TMEM178B: variants seen among roughly 807,000 people sequenced by gnomAD.
TMEM178B encodes transmembrane protein 178B.
A neutral mutation model predicts 31.0 loss-of-function variants in TMEM178B; 5 were observed. That is an observed-to-expected ratio of 0.16 (90% CI 0.08 to 0.34). The LOEUF is 0.34. Among genes scored for constraint, TMEM178B ranks in the 10% least tolerant of loss-of-function variants. The pLI is 1.00. For missense variants in TMEM178B, 275 were observed against 400.3 expected (o/e 0.69, Z 2.67); for synonymous variants, 164 against 164.0 (o/e 1.00, Z 0.00).
chr7:141,186,215 G>C (rs1009825089), intron 1 of TMEM178B, among the ~76,000 whole-genome samples: 1 of 152,164 alleles, frequency 6.6e-6, no homozygotes, highest in Non-Finnish European at 1.5e-5. Context: ...ATCCTAGAAG[G>C]TCCAGTGGGT....
At chr7:141,222,106 G>A (rs1797267162) in intron 2 of TMEM178B, among the ~76,000 whole-genome samples, 1 of 152,170 alleles carries the variant, frequency 6.6e-6, no homozygotes. Context: ...TAGCAAATTA[G>A]CACAACCTCT....
chr7:141,390,886 C>A (rs1459006217), intron 2 of TMEM178B, among the ~76,000 whole-genome samples: 1 of 152,070 alleles, frequency 6.6e-6, no homozygotes, highest in Non-Finnish European at 1.5e-5. Flanking sequence ...TAAGAGCAAA[C>A]AAATATTTAT....
At chr7:141,163,060 A>T (rs1389649940) in intron 1 of TMEM178B, among the ~76,000 whole-genome samples, 1 of 152,196 alleles carries the variant, frequency 6.6e-6, no homozygotes, top group Non-Finnish European at 1.5e-5. Flanking sequence ...AATGAACATT[A>T]TTTCTCCAGT....
At chr7:141,379,359 C>A (rs1019815708) in intron 2 of TMEM178B, among the ~76,000 whole-genome samples, 5 of 151,832 alleles carry the variant, frequency 3.3e-5, no homozygotes, top group African/African-American at 1.2e-4. Context: ...GCAGCATGCA[C>A]CTGTAGTCTC....
chr7:141,497,157 T>C, the TMEM178B span, among the ~76,000 whole-genome samples: 1 of 152,296 alleles, frequency 6.6e-6, no homozygotes, highest in Non-Finnish European at 1.5e-5. Context: ...AAGCCATCCC[T>C]AATAAGATCT....
the TMEM178B span, among the ~76,000 whole-genome samples, chr7:141,495,939 G>A: frequency 6.6e-6 from 1 of 152,200 alleles, no homozygotes; most frequent in Non-Finnish European, 1.5e-5. Context: ...CAATCCAGGT[G>A]TGTCTGTCCA....
intron 1 of TMEM178B, among the ~76,000 whole-genome samples, chr7:141,117,643 G>A: frequency 6.6e-6 from 1 of 152,154 alleles, no homozygotes; most frequent in Non-Finnish European, 1.5e-5. Context: ...ATGGTTTTAG[G>A]TCTTACATTT....
rs1330030583 is a variant in TMEM178B at position 141,074,394 on chromosome 7, G to A, written c.84G>A (p.Ser28=). ...ALGMLAVAIC[S]DHWYETDARK... is the part of the protein sequence containing the mutation. ...GCATGCTGGCCGTGGCCATCTGCTCGGACCACTGGTACGAGACGGACGCCA... is the reference window on the plus strand; with the variant it reads ...GCATGCTGGCCGTGGCCATCTGCTCAGACCACTGGTACGAGACGGACGCCA... Residue 28 remains serine (S), a synonymous_variant, in exon 1 of 4, where the codon TCG becomes TCA. Transcript: ENST00000565468. This position sits in a 1 kb window ranked among gnomAD's most constrained non-coding sequence, Gnocchi z 5.1. The A allele has an allele frequency of 2.6e-6, 4 of 1,536,144 alleles. No homozygotes were observed. The highest frequency in any genetic ancestry group is 3.9e-5 in the Admixed American group (2 of 51,010).
chr7:141,125,310 G>A (rs968771413), intron 1 of TMEM178B, among the ~76,000 whole-genome samples: 1 of 152,038 alleles, frequency 6.6e-6, no homozygotes, highest in Admixed American at 6.6e-5. Context: ...TATAAAATCT[G>A]GCCAGCAACA....
chr7:141,232,820 G>A (rs1393267199), intron 2 of TMEM178B, among the ~76,000 whole-genome samples: 2 of 152,080 alleles, frequency 1.3e-5, no homozygotes, highest in Non-Finnish European at 2.9e-5. Flanking sequence ...TAGGAGCCCT[G>A]AGCCCCCTGC....
At chr7:141,199,005 A>G (rs1288640996) in intron 1 of TMEM178B, among the ~76,000 whole-genome samples, 4 of 152,198 alleles carry the variant, frequency 2.6e-5, no homozygotes, top group South Asian at 2.1e-4. Flanking sequence ...TTTCCCAAGA[A>G]GTCTGTTTCA....
At chr7:141,464,364 G>C (rs1163892804) in intron 3 of TMEM178B, among the ~76,000 whole-genome samples, 1 of 152,080 alleles carries the variant, frequency 6.6e-6, no homozygotes, top group Admixed American at 6.6e-5. Context: ...ACTTGGGAGG[G>C]AACCTTACAG....
intron 2 of TMEM178B, among the ~76,000 whole-genome samples, chr7:141,367,866 G>A (rs555661095): frequency 3.3e-5 from 5 of 152,182 alleles, no homozygotes; most frequent in Admixed American, 6.5e-5. Flanking sequence ...GCAGAGGAAA[G>A]CACGAATGCA....
At chr7:141,382,055 A>G (rs1286746751) in intron 2 of TMEM178B, among the ~76,000 whole-genome samples, 1 of 152,208 alleles carries the variant, frequency 6.6e-6, no homozygotes, top group Non-Finnish European at 1.5e-5. Context: ...CTCCCATTCA[A>G]CGAAGTATGA....
chr7:141,456,990 T>G (rs1801975484), intron 3 of TMEM178B, among the ~76,000 whole-genome samples: 1 of 152,222 alleles, frequency 6.6e-6, no homozygotes, highest in African/African-American at 2.4e-5. Context: ...GGAAAGAATA[T>G]GGATGGTGCA....
chr7:141,110,476 T>C (rs939240368), intron 1 of TMEM178B, among the ~76,000 whole-genome samples: 2 of 152,132 alleles, frequency 1.3e-5, no homozygotes, highest in African/African-American at 4.8e-5. Context: ...AAATATACAC[T>C]CAAAGGTTAA....
At chr7:141,112,533 C>T (rs1795250518) in intron 1 of TMEM178B, among the ~76,000 whole-genome samples, 1 of 152,216 alleles carries the variant, frequency 6.6e-6, no homozygotes, top group Admixed American at 6.5e-5. Context: ...AGATAACAGG[C>T]ATGAGCCACC....
intron 1 of TMEM178B, among the ~76,000 whole-genome samples, chr7:141,101,672 A>G (rs1456856179): frequency 1.3e-5 from 2 of 152,242 alleles, no homozygotes; most frequent in African/African-American, 4.8e-5. Context: ...AAATAAAAAT[A>G]CATGCAGCAT....
At chr7:141,228,043 C>A (rs1013512086) in intron 2 of TMEM178B, among the ~76,000 whole-genome samples, 4 of 151,990 alleles carry the variant, frequency 2.6e-5, no homozygotes, top group African/African-American at 9.7e-5. Context: ...TGTGTGTACA[C>A]ACACACACAC....
Sources: gnomAD v4.1 joint callset for allele counts (sites outside exome capture counted in the v4.1 genomes callset) on GRCh38, gnomAD v4.1.1 for gene constraint, Gnocchi (gnomAD v3.1) non-coding constraint, MANE v1.5 for transcripts, NCBI Gene and HGNC (gene_info 2026-07-23, HGNC 2026-07-21) for gene names.